The following F7 variants were observed in gnomAD, a reference collection of about 807,000 sequenced individuals.
F7 encodes coagulation factor VII, also known as FVII coagulation protein.
F7 carries 38 observed loss-of-function variants against 47.5 expected under a neutral mutation model. The ratio of observed to expected loss-of-function variants is 0.80; its 90% CI spans 0.62 to 1.05. The LOEUF is 1.05. Ranked by LOEUF, F7 falls within the 50% of genes least tolerant of loss-of-function variation. F7 has a pLI of 0.00. For missense variants in F7, 575 were observed against 605.4 expected (o/e 0.95, Z 0.53); for synonymous variants, 244 against 258.5 (o/e 0.94, Z 0.54).
Position 113,118,863 on chromosome 13 carries a change from CGGG to C in F7, c.1191_1193del (p.Gly398del). 6.2e-7 allele frequency: 1 copy of C among 1,612,836 alleles called. No homozygotes were observed. Among genetic ancestry groups the C allele is most frequent in the South Asian group, 1.1e-5 (1 of 91,064 alleles). ...CACTACCGGGGCACGTGGTACCTGA[CGGG>C]CATCGTCAGCTGGGGCCAGGGCTGC... On this transcript the variant is annotated inframe_deletion, in exon 8 of 8. Transcript: ENST00000346342.
rs762624669 is a variant in F7, at chr13:113,115,798, C to A, written c.503C>A (p.Thr168Lys). ...LLADGVSCTP[T>K]VEYPCGKIPI... The stretch of plus-strand genomic sequence containing the variant: ...GCAGACGGGGTGTCCTGCACACCCA[C>A]AGGTGACCAGGCTTCATGTCCCAGT... Residue 168 changes from threonine to lysine, a missense_variant and splice_region_variant, in exon 5 of 8, where the codon ACA becomes AAA. By Grantham distance (78) the Thr-to-Lys change is moderately conservative. Coordinates refer to ENST00000346342, the MANE Select transcript of F7 (RefSeq NM_019616.4). The A allele has an allele frequency of 6.2e-7, 1 of 1,613,220 alleles. No individual in the cohort carries two copies.
chr13:113,111,126 GTGT>G, intron 2 of F7, among the ~76,000 whole-genome samples: 1 of 152,182 alleles, frequency 6.6e-6, no homozygotes, highest in Non-Finnish European at 1.5e-5. Context: ...CACACTTAGG[GTGT>G]CCCCCTTAAC....
chr13:113,110,633 C>G, intron 1 of F7, 57 bp from the exon 2 acceptor site: 17 of 1,545,132 alleles, frequency 1.1e-5, no homozygotes, highest in Non-Finnish European at 1.5e-5. Context: ...GTGGGGCGGT[C>G]TCCGAGGCAC....
In F7 at chr13:113,110,338, C is replaced by T. The variant is rs575380031; in HGVS notation, c.65-352C>T. ...GGTTCACGTGGGCCCCAGGGGGTTG[C>T]CCGGCACCCGGGGCCGCGCCGCCTT... On this transcript the variant is annotated intron_variant, in intron 1 of 7. Transcript: ENST00000346342. The T allele has an allele frequency of 1.3e-4, 32 of 252,768 alleles. 2 individuals are homozygous for T. The South Asian group carries it at 1.7e-3, about 14-fold the overall frequency. 15.7% of individuals were successfully genotyped at this position (252,768 alleles called of 1,614,324 possible). A position where few individuals can be genotyped will look rare whatever the true frequency, so the allele number is the denominator to read the frequency against.
At position 113,117,761 on chromosome 13, in the gene F7, G is replaced by A. The variant is rs754565458; in HGVS notation, c.739+165G>A. Among the ~76,000 whole-genome samples the A allele has an allele frequency of 2.9e-4, 37 of 127,922 alleles. No individual in the cohort carries two copies. In the East Asian group the frequency reaches 6.0e-3, roughly 21 times the overall value. 83.9% of individuals were successfully genotyped at this position (127,922 alleles called of 152,430 possible). A position where few individuals can be genotyped will look rare whatever the true frequency, so the allele number is the denominator to read the frequency against. ...CGGTGCTGGGTGGGTGCCACTCTCCGCTGTCCGACCGCGGTGCTGGGTGGG... is the reference window on the plus strand; with the variant it reads ...CGGTGCTGGGTGGGTGCCACTCTCCACTGTCCGACCGCGGTGCTGGGTGGG... On this transcript the variant is annotated intron_variant, in intron 7 of 7. Transcript: ENST00000346342.
chr13:113,112,339 T>C (rs1445520960), intron 2 of F7, among the ~76,000 whole-genome samples: 15 of 118,844 alleles, frequency 1.3e-4, no homozygotes, highest in East Asian at 5.6e-4. Context: ...CAGGTCACCT[T>C]ACTCTCACAG....
intron 1 of F7, among the ~76,000 whole-genome samples, chr13:113,110,072 A>G (rs565468637): frequency 1.1e-4 from 17 of 151,918 alleles, no homozygotes; most frequent in Middle Eastern, 3.4e-3. Flanking sequence ...CGAGGTCTGG[A>G]GCTCTCAGGG....
Position 113,119,127 on chromosome 13 carries a change from G to T in F7, c.*119G>T. The T allele has an allele frequency of 1.3e-6, 1 of 774,042 alleles. No individual in the cohort carries two copies. Among genetic ancestry groups the T allele is most frequent in the Non-Finnish European group, 2.1e-6 (1 of 472,650 alleles). 47.9% of individuals were successfully genotyped at this position (774,042 alleles called of 1,614,324 possible). A position where few individuals can be genotyped will look rare whatever the true frequency, so the allele number is the denominator to read the frequency against. The stretch of plus-strand genomic sequence containing the variant: ...AGGAGGGCATGGGAGGGAGGGAGAG[G>T]TGGGGAGGGAGACAGAGACAGAAAC... On this transcript the variant is annotated 3_prime_UTR_variant, in exon 8 of 8. Coordinates refer to ENST00000346342, the MANE Select transcript of F7 (RefSeq NM_019616.4).
chr13:113,110,621 C>G, intron 1 of F7, 69 bp from the exon 2 acceptor site: 1 of 1,534,454 alleles, frequency 6.5e-7, no homozygotes, highest in Non-Finnish European at 8.8e-7. Context: ...GCCGCGTGGG[C>G]CGTGGGGCGG....
chr13:113,106,036 TC>T, intron 1 of F7, 131 bp downstream of exon 1: 1 of 714,488 alleles, frequency 1.4e-6, no homozygotes, highest in Non-Finnish European at 2.2e-6. Context: ...TTCTGGCGGC[TC>T]CTGTTCAATT....
rs6045 is a variant in F7, at chr13:113,118,491, T to A, written c.818T>A (p.Val273Asp). Residue 273 changes from valine to aspartate, a missense_variant, in exon 8 of 8, where the codon GTC (valine) becomes GAC (aspartate). Physicochemically the swap from Val to Asp is radical, Grantham distance 152 (BLOSUM62 -3). Transcript: ENST00000346342. Reference protein sequence around the residue: ...VAQVIIPSTYVPGTTNHDIAL... With the variant: ...VAQVIIPSTYDPGTTNHDIAL... The stretch of plus-strand genomic sequence containing the variant: ...CAGGTCATCATCCCCAGCACGTACG[T>A]CCCGGGCACCACCAACCACGACATC... The A allele has an allele frequency of 9.3e-6, 15 of 1,610,222 alleles. No individual in the cohort carries two copies. Among genetic ancestry groups the A allele is most frequent in the Non-Finnish European group, 1.3e-5 (15 of 1,179,744 alleles).
chr13:113,112,359 C>T (rs572400983), intron 2 of F7, among the ~76,000 whole-genome samples: 2 of 150,238 alleles, frequency 1.3e-5, no homozygotes, highest in South Asian at 2.1e-4. Flanking sequence ...GGACACCTCA[C>T]TCTCACAGGA....
At chr13:113,118,139 G>A (rs1039283424) in intron 7 of F7, among the ~76,000 whole-genome samples, 5 of 152,094 alleles carry the variant, frequency 3.3e-5, no homozygotes, top group South Asian at 2.1e-4. Context: ...GAGAATCGGG[G>A]CACGCCCTGT....
intron 5 of F7, among the ~76,000 whole-genome samples, chr13:113,116,563 C>G (rs965419778): frequency 1.6e-4 from 24 of 152,252 alleles, no homozygotes; most frequent in Non-Finnish European, 5.9e-5. Flanking sequence ...TCTTCAAGGG[C>G]CTCTCATGGC....
rs2036149316 is a variant in F7, at chr13:113,113,955, A to G, written c.359A>G (p.Glu120Gly). 4 of 1,613,822 alleles carry G rather than the reference A, an allele frequency of 2.5e-6. No individual in the cohort carries two copies. The highest frequency in any genetic ancestry group is 3.4e-6 in the Non-Finnish European group (4 of 1,180,040). Residue 120 changes from glutamate (E) to glycine (G), a missense_variant, in exon 4 of 8, where the codon GAG becomes GGG. Glu to Gly is a moderately conservative substitution (Grantham distance 98). Coordinates refer to ENST00000346342, the MANE Select transcript of F7 (RefSeq NM_019616.4). The surrounding 1 kb of genome is among the most constrained non-coding windows in gnomAD (Gnocchi z 4.1). ...CLPAFEGRNCETHKDDQLICV... is the reference protein window; with the variant it reads ...CLPAFEGRNCGTHKDDQLICV... Reference sequence around the variant, plus strand: ...CCTGCCTTCGAGGGCCGGAACTGTGAGACGCGTAAGGCCCCACTTTGGGTC... The same window carrying G: ...CCTGCCTTCGAGGGCCGGAACTGTGGGACGCGTAAGGCCCCACTTTGGGTC...
chr13:113,113,974 T>G lies in F7; in HGVS notation c.364+14T>G, dbSNP rs757318175. 57 of 1,613,528 alleles carry G rather than the reference T, an allele frequency of 3.5e-5. No individual in the cohort carries two copies. Among genetic ancestry groups the G allele is most frequent in the Non-Finnish European group, 4.5e-5 (53 of 1,180,006 alleles). ...ACTGTGAGACGCGTAAGGCCCCACT[T>G]TGGGTCCCATATTTGCAGAGGGCCC... On this transcript the variant is annotated intron_variant, in intron 4 of 7. Coordinates refer to ENST00000346342, the MANE Select transcript of F7 (RefSeq NM_019616.4). The surrounding 1 kb of genome is among the most constrained non-coding windows in gnomAD (Gnocchi z 4.1).
rs488703 is a variant in F7, at chr13:113,116,562, G to A, written c.506-204G>A. Among the ~76,000 whole-genome samples the A allele has an allele frequency of 0.14, 20,910 of 152,216 alleles. 1,688 individuals are homozygous for A. Among genetic ancestry groups the A allele is most frequent in the South Asian group, 0.27 (1,308 of 4,818 alleles). ...TCCTCAGCCAGCCACTTCTTCAAGG[G>A]CCTCTCATGGCCGGGCCCCACCAGT... is the stretch of plus-strand genomic sequence containing the variant. On this transcript the variant is annotated intron_variant, in intron 5 of 7. Transcript: ENST00000346342.
At chr13:113,114,412 G>A (rs1205034916) in intron 4 of F7, among the ~76,000 whole-genome samples, 1 of 151,918 alleles carries the variant, frequency 6.6e-6, no homozygotes, top group African/African-American at 2.4e-5. Flanking sequence ...TAATTCACTA[G>A]AAGGACTCAT....
At position 113,110,382 on chromosome 13, in the gene F7, C is replaced by A. The variant is rs1309984543; in HGVS notation, c.65-308C>A. 24 of 334,668 alleles carry A rather than the reference C, an allele frequency of 7.2e-5. No individual in the cohort carries two copies. In the South Asian group the frequency reaches 8.4e-4, roughly 12 times the overall value. The allele number at this position is 334,668 out of a possible 1,614,324, so 20.7% of individuals were successfully genotyped here. A position where few individuals can be genotyped will look rare whatever the true frequency, so the allele number is the denominator to read the frequency against. Reference sequence around the variant, plus strand: ...CCGCCTTCTCCTCGCCGGCATCGACCCGCAGCCTCACGTTTACGCGGCGGC... The same window carrying A: ...CCGCCTTCTCCTCGCCGGCATCGACACGCAGCCTCACGTTTACGCGGCGGC... On this transcript the variant is annotated intron_variant, in intron 1 of 7. Transcript: ENST00000346342.
Sources: allele counts gnomAD v4.1 joint callset (sites outside exome capture counted in the v4.1 genomes callset), GRCh38; gene constraint gnomAD v4.1.1; non-coding constraint Gnocchi (gnomAD v3.1); transcripts MANE v1.5; gene names NCBI Gene and HGNC (gene_info 2026-07-23, HGNC 2026-07-21).